The following KRABD2 variants were observed in gnomAD, a reference collection of about 807,000 sequenced individuals.
KRABD2 encodes the protein KRAB domain-containing protein 2.
At chr17:8,368,174 G>A in the KRABD2 span, among the ~76,000 whole-genome samples, 28 of 152,138 alleles carry the variant, frequency 1.8e-4, no homozygotes, top group East Asian at 4.6e-3. Context: ...AAGAGTATTC[G>A]CTGATCTAAT....
the KRABD2 span, among the ~76,000 whole-genome samples, chr17:8,363,871 T>A: frequency 0.018 from 1,889 of 107,248 alleles, 40 homozygotes; most frequent in East Asian, 0.056. Context: ...ATTTATTTAT[T>A]TATTTATTTA....
At chr17:8,370,433 C>T in the KRABD2 span, 2 of 1,236,114 alleles carry the variant, frequency 1.6e-6, no homozygotes, top group Non-Finnish European at 2.2e-6. Context: ...CTGACACTCC[C>T]ACCTGGAAGA....
chr17:8,369,467 A>T, the KRABD2 span: 2 of 1,614,092 alleles, frequency 1.2e-6, no homozygotes, highest in East Asian at 4.5e-5. Context: ...TGGCCCAGTG[A>T]CATGAGTGGT....
At chr17:8,367,478 G>A in the KRABD2 span, among the ~76,000 whole-genome samples, 1 of 150,118 alleles carries the variant, frequency 6.7e-6, no homozygotes, top group Non-Finnish European at 1.5e-5. Context: ...CAGCCTGGGC[G>A]ACAGAGTGAG....
the KRABD2 span, among the ~76,000 whole-genome samples, chr17:8,366,093 C>A: frequency 6.6e-6 from 1 of 151,578 alleles, no homozygotes; most frequent in Non-Finnish European, 1.5e-5. Context: ...GTGGCCACTG[C>A]ACTCCAGCCC....
At chr17:8,368,531 C>T in the KRABD2 span, 3 of 152,228 alleles carry the variant, frequency 2.0e-5, no homozygotes, top group East Asian at 5.8e-4. Flanking sequence ...TGGATTCTCC[C>T]CCAGAGCCTC....
chr17:8,373,543 G>A, the KRABD2 span: 1 of 190,016 alleles, frequency 5.3e-6, no homozygotes, highest in South Asian at 8.5e-5. Flanking sequence ...CCTCCCAGCT[G>A]CCTGCCTTGG....
the KRABD2 span, among the ~76,000 whole-genome samples, chr17:8,374,173 G>T: frequency 6.6e-6 from 1 of 152,258 alleles, no homozygotes; most frequent in Non-Finnish European, 1.5e-5. Context: ...TGGCGGTTGT[G>T]TCGAATAGAA....
chr17:8,376,555 G>A, the KRABD2 span: 5 of 987,336 alleles, frequency 5.1e-6, no homozygotes, highest in East Asian at 1.1e-4. Context: ...ATCCATGCCC[G>A]TCCACCCGCC....
chr17:8,363,070 A>G, the KRABD2 span, among the ~76,000 whole-genome samples: 22,387 of 152,222 alleles, frequency 0.15, 1,790 homozygotes, highest in African/African-American at 0.21. Context: ...ATAATCTGCT[A>G]CTGGTAGGGA....
At chr17:8,369,066 CT>C in the KRABD2 span, 1 of 1,527,006 alleles carries the variant, frequency 6.5e-7, no homozygotes, top group Non-Finnish European at 8.7e-7. Flanking sequence ...TCTGGGGCCT[CT>C]GGCAACAGTT....
the KRABD2 span, among the ~76,000 whole-genome samples, chr17:8,371,100 G>A: frequency 3.9e-5 from 6 of 152,156 alleles, no homozygotes; most frequent in African/African-American, 1.2e-4. Flanking sequence ...AACCTGGAAG[G>A]TGGAGGTTGC....
At chr17:8,365,337 G>C in the KRABD2 span, among the ~76,000 whole-genome samples, 2 of 152,250 alleles carry the variant, frequency 1.3e-5, no homozygotes, top group South Asian at 2.1e-4. Context: ...TAACTAGGAG[G>C]GAGGAGGTCA....
the KRABD2 span, chr17:8,372,125 A>T: frequency 1.0e-6 from 1 of 980,328 alleles, no homozygotes; most frequent in Non-Finnish European, 1.2e-6. The surrounding 1 kb of genome is among the most constrained non-coding windows in gnomAD (Gnocchi z 4.1). Flanking sequence ...GCTCTGAGCA[A>T]GAGTCTCAGT....
the KRABD2 span, chr17:8,371,585 A>C: frequency 6.5e-7 from 1 of 1,535,486 alleles, no homozygotes. Flanking sequence ...GGAAGAAATA[A>C]GAAATAGGTC....
the KRABD2 span, chr17:8,359,950 G>A: frequency 2.5e-6 from 1 of 404,510 alleles, no homozygotes; most frequent in South Asian, 1.8e-5. Context: ...TGGGGAGGAG[G>A]AAAGAGGCAA....
At chr17:8,368,199 C>T in the KRABD2 span, among the ~76,000 whole-genome samples, 28 of 152,160 alleles carry the variant, frequency 1.8e-4, no homozygotes, top group East Asian at 2.9e-3. Flanking sequence ...GTAAGGATCT[C>T]GAGATGAGAT....
the KRABD2 span, chr17:8,359,589 G>T: frequency 3.6e-3 from 1,662 of 456,078 alleles, 29 homozygotes; most frequent in South Asian, 0.021. Context: ...GCTAGAGAAG[G>T]GGGTAGGTAA....
the KRABD2 span, chr17:8,371,424 A>C: frequency 1.2e-6 from 2 of 1,614,150 alleles, no homozygotes; most frequent in Admixed American, 3.3e-5. Flanking sequence ...TTGCTTCCTG[A>C]AACAACATTG....
Sources: allele counts gnomAD v4.1 joint callset (sites outside exome capture counted in the v4.1 genomes callset), GRCh38; gene constraint gnomAD v4.1.1; non-coding constraint Gnocchi (gnomAD v3.1); transcripts MANE v1.5; gene names NCBI Gene and HGNC (gene_info 2026-07-23, HGNC 2026-07-21).